TPD52: variants seen among roughly 807,000 people sequenced by gnomAD.
TPD52 encodes tumor protein D52, also known as prostate and colon associated protein.
In TPD52, 17 loss-of-function variants were observed where a neutral mutation model predicts 31.3. The observed-to-expected ratio is 0.54, with a 90% CI of 0.37 to 0.82. TPD52 has a LOEUF of 0.82. TPD52 is among the 40% of genes least tolerant of loss of function. The pLI is 0.00. For missense variants in TPD52, 212 were observed against 240.1 expected, an observed-to-expected ratio of 0.88 and a Z score of 0.77; for synonymous variants, 83 against 89.6, an observed-to-expected ratio of 0.93 and a Z score of 0.42.
rs1180472965 is a variant in TPD52, at chr8:80,036,362, A to G, written c.*1754T>C. 6.6e-6 allele frequency: 1 copy of G among 152,644 alleles called. No homozygotes were observed. The highest frequency in any genetic ancestry group is 2.4e-5 in the African/African-American group (1 of 41,454). 9.5% of individuals were successfully genotyped at this position (152,644 alleles called of 1,614,324 possible). On this transcript the variant is annotated 3_prime_UTR_variant, in exon 8 of 8. Transcript: ENST00000518937. ...ATAATTTAACACTTGAGTAAGCACA[A>G]TATTTCTATAGAAAGACAGACTTCT...
chr8:80,138,306 AAT>A (rs1491491954), intron 1 of TPD52, among the ~76,000 whole-genome samples: 1 of 152,172 alleles, frequency 6.6e-6, no homozygotes. Context: ...TGTGTTTGAC[AAT>A]AAGAGGCCAA....
At chr8:80,077,274 C>CAAAA (rs368480127) in intron 1 of TPD52, among the ~76,000 whole-genome samples, 3 of 116,362 alleles carry the variant, frequency 2.6e-5, no homozygotes, top group African/African-American at 6.8e-5. Context: ...GACTCTGTCT[C>CAAAA]AAAAAAAAAA....
chr8:80,097,474 T>A (rs993454022), intron 1 of TPD52, among the ~76,000 whole-genome samples: 2 of 152,180 alleles, frequency 1.3e-5, no homozygotes, highest in Admixed American at 1.3e-4. Flanking sequence ...GGTGATTAGA[T>A]CATAGGGGCA....
At chr8:80,158,246 TCTC>T (rs1563668886) in intron 1 of TPD52, among the ~76,000 whole-genome samples, 1 of 151,050 alleles carries the variant, frequency 6.6e-6, no homozygotes, top group Non-Finnish European at 1.5e-5. Context: ...GCCCTCCCAT[TCTC>T]CTCCTCCCCA....
At chr8:80,085,473 G>A (rs776729227) in intron 1 of TPD52, among the ~76,000 whole-genome samples, 3 of 152,188 alleles carry the variant, frequency 2.0e-5, no homozygotes, top group East Asian at 1.9e-4. Context: ...TGGAGGGCAC[G>A]TCAAAGGGAG....
At chr8:80,051,650 C>A (rs747443278) in intron 3 of TPD52, 22 bp from the exon 4 acceptor site, 4 of 1,558,174 alleles carry the variant, frequency 2.6e-6, no homozygotes, top group Non-Finnish European at 3.5e-6. Context: ...TATAAACACA[C>A]AGAGCAAAAG....
At chr8:80,127,673 C>G (rs1450760381) in intron 1 of TPD52, 1 of 151,994 alleles carries the variant, frequency 6.6e-6, no homozygotes, top group Non-Finnish European at 1.5e-5. Flanking sequence ...CAAATCAGAC[C>G]AGCAAGTGTT....
intron 1 of TPD52, among the ~76,000 whole-genome samples, chr8:80,130,717 T>C (rs1808961465): frequency 6.6e-6 from 1 of 152,220 alleles, no homozygotes; most frequent in Non-Finnish European, 1.5e-5. Context: ...CCAGCTGGAC[T>C]GTTTGGTGAC....
At position 80,064,884 on chromosome 8, in the gene TPD52, C is replaced by T. The variant is rs138781583; in HGVS notation, c.20-291G>A. 2.3e-5 allele frequency: 13 copies of T among 558,734 alleles called. No individual in the cohort carries two copies. The East Asian group carries it at 5.1e-4, about 22-fold the overall frequency. The allele number at this position is 558,734 out of a possible 1,614,324, so 34.6% of individuals were successfully genotyped here. A position where few individuals can be genotyped will look rare whatever the true frequency, so the allele number is the denominator to read the frequency against. On this transcript the variant is annotated intron_variant, in intron 1 of 7. Coordinates refer to ENST00000518937, the MANE Select transcript of TPD52 (RefSeq NM_001025253.3). ...ATAGTTATGGCAGAAGAGTGAAGGG[C>T]CCAAAATGAGATCTTGCTGAGACTT...
At chr8:80,111,341 C>G (rs1286837653) in intron 1 of TPD52, among the ~76,000 whole-genome samples, 2 of 152,210 alleles carry the variant, frequency 1.3e-5, no homozygotes, top group African/African-American at 4.8e-5. Flanking sequence ...GGGGGACAGT[C>G]TTATGGGACT....
chr8:80,088,521 G>A (rs1447714516), intron 1 of TPD52, among the ~76,000 whole-genome samples: 1 of 152,122 alleles, frequency 6.6e-6, no homozygotes, highest in Non-Finnish European at 1.5e-5. Flanking sequence ...GCCAAGTCGA[G>A]TAATTAGGAA....
chr8:80,143,311 G>A (rs1809966167), intron 1 of TPD52, among the ~76,000 whole-genome samples: 1 of 152,148 alleles, frequency 6.6e-6, no homozygotes, highest in African/African-American at 2.4e-5. Flanking sequence ...CCTAACATAA[G>A]GACCCAAAGT....
chr8:80,055,859 T>G (rs79106215), intron 2 of TPD52, among the ~76,000 whole-genome samples: 1 of 152,208 alleles, frequency 6.6e-6, no homozygotes, highest in Admixed American at 6.5e-5. Context: ...CCTGTTATTA[T>G]GCCTGTTATC....
At chr8:80,160,349 A>G (rs1811263484) in intron 1 of TPD52, among the ~76,000 whole-genome samples, 2 of 152,192 alleles carry the variant, frequency 1.3e-5, no homozygotes, top group African/African-American at 4.8e-5. Context: ...ATAAAATGAA[A>G]ATGTACCAGT....
chr8:80,119,297 T>C (rs1361896600), intron 1 of TPD52, among the ~76,000 whole-genome samples: 2 of 152,184 alleles, frequency 1.3e-5, no homozygotes, highest in East Asian at 3.8e-4. Context: ...TGACTGCTAA[T>C]GGGTAAGGAG....
At chr8:80,048,461 G>C (rs10104879) in intron 5 of TPD52, among the ~76,000 whole-genome samples, 40 of 152,312 alleles carry the variant, frequency 2.6e-4, no homozygotes, top group Middle Eastern at 3.4e-3. Context: ...TGGGATTAAG[G>C]ACTAACCACC....
chr8:80,121,589 G>T (rs1808262721), intron 1 of TPD52, among the ~76,000 whole-genome samples: 1 of 152,130 alleles, frequency 6.6e-6, no homozygotes, highest in Non-Finnish European at 1.5e-5. Flanking sequence ...GAAACCTCAG[G>T]AGCCACGTGG....
chr8:80,132,137 C>T (rs1809066638), intron 1 of TPD52, among the ~76,000 whole-genome samples: 2 of 151,730 alleles, frequency 1.3e-5, no homozygotes, highest in South Asian at 2.1e-4. Context: ...TCATGCAATC[C>T]TCCCACCTCA....
rs760676128 is a variant in TPD52 at position 80,053,360 on chromosome 8, C to T, written c.206G>A (p.Arg69Gln). Residue 69 changes from arginine (R) to glutamine (Q), a missense_variant, in exon 3 of 8, where the codon CGG (arginine) becomes CAG (glutamine). By Grantham distance (43) the Arg-to-Gln change is conservative. Transcript: ENST00000518937. ...AKEKHLAEIK[R>Q]KLGINSLQEL... Reference sequence around the variant, plus strand: ...CTGTAGAGAATTGATTCCAAGTTTCCGCTTGATCTCTGCTAGATGCTTCTC... The same window carrying T: ...CTGTAGAGAATTGATTCCAAGTTTCTGCTTGATCTCTGCTAGATGCTTCTC... 45 of 1,613,598 alleles carry T rather than the reference C, an allele frequency of 2.8e-5. 1 individual carries two copies. Among genetic ancestry groups the T allele is most frequent in the African/African-American group, 8.0e-5 (6 of 74,868 alleles).
Sources: allele counts gnomAD v4.1 joint callset (sites outside exome capture counted in the v4.1 genomes callset), GRCh38; gene constraint gnomAD v4.1.1; transcripts MANE v1.5; gene names NCBI Gene and HGNC (gene_info 2026-07-23, HGNC 2026-07-21).